Variants in ELP4 observed in about 807,000 individuals in gnomAD.
The protein encoded by ELP4 is elongator complex protein 4.
ELP4 carries 51 observed loss-of-function variants against 48.9 expected under a neutral mutation model. The observed-to-expected ratio is 1.04, with a 90% CI of 0.83 to 1.32. ELP4 has a LOEUF of 1.32. Among genes scored for constraint, ELP4 ranks in the 40% most tolerant of loss-of-function variants. ELP4 has a pLI of 0.00. For missense variants in ELP4, 519 were observed against 514.6 expected (o/e 1.01, Z -0.08); for synonymous variants, 210 against 189.2 (o/e 1.11, Z -0.90).
At chr11:31,531,794 T>C (rs1318059466) in intron 2 of ELP4, among the ~76,000 whole-genome samples, 2 of 152,188 alleles carry the variant, frequency 1.3e-5, no homozygotes, top group Non-Finnish European at 2.9e-5. Context: ...TAGAAAAATA[T>C]ACTCTTGAGT....
At chr11:31,519,733 G>C (rs1181693668) in intron 1 of ELP4, among the ~76,000 whole-genome samples, 1 of 151,998 alleles carries the variant, frequency 6.6e-6, no homozygotes, top group African/African-American at 2.4e-5. Flanking sequence ...GCTGAGGCAG[G>C]AGAATTGCTT....
chr11:31,654,353 G>A (rs980075253), intron 9 of ELP4: 4 of 151,702 alleles, frequency 2.6e-5, no homozygotes, highest in Non-Finnish European at 4.4e-5. Flanking sequence ...AAAAAATAGT[G>A]TCAAAGTAAA....
At chr11:31,594,992 G>A (rs973917979) in intron 4 of ELP4, 91 bp downstream of exon 4, 9 of 1,054,572 alleles carry the variant, frequency 8.5e-6, no homozygotes, top group Non-Finnish European at 1.2e-5. Flanking sequence ...ATGTGTATTT[G>A]TTTATTTAAA....
chr11:31,741,599 G>C (rs1385202798), intron 9 of ELP4, among the ~76,000 whole-genome samples: 1 of 152,172 alleles, frequency 6.6e-6, no homozygotes, highest in African/African-American at 2.4e-5. Context: ...AATATCCACT[G>C]TTCTGCAGCC....
At chr11:31,619,659 T>C (rs1243233494) in intron 5 of ELP4, among the ~76,000 whole-genome samples, 2 of 137,762 alleles carry the variant, frequency 1.5e-5, no homozygotes, top group Non-Finnish European at 3.1e-5. Flanking sequence ...CTCTGTTTTT[T>C]ATTGTTTTTT....
intron 9 of ELP4, among the ~76,000 whole-genome samples, chr11:31,702,119 T>C (rs1946536624): frequency 6.6e-6 from 1 of 152,046 alleles, no homozygotes; most frequent in Non-Finnish European, 1.5e-5. Flanking sequence ...CTTTAAGCAC[T>C]GAGATTTTGA....
intron 5 of ELP4, among the ~76,000 whole-genome samples, chr11:31,608,334 G>A (rs146875115): frequency 2.0e-4 from 31 of 152,158 alleles, no homozygotes; most frequent in Middle Eastern, 3.4e-3. Flanking sequence ...GTTGATATGA[G>A]CAGTCAGATT....
intron 9 of ELP4, among the ~76,000 whole-genome samples, chr11:31,711,498 T>C (rs1946741958): frequency 6.6e-6 from 1 of 152,120 alleles, no homozygotes; most frequent in Non-Finnish European, 1.5e-5. Context: ...GTCATCAGAG[T>C]GGCCTAGGTT....
At chr11:31,603,555 A>G (rs997855423) in intron 4 of ELP4, among the ~76,000 whole-genome samples, 3 of 151,854 alleles carry the variant, frequency 2.0e-5, no homozygotes, top group Admixed American at 6.6e-5. Flanking sequence ...GTGAAGAAAC[A>G]TGAAAGATAA....
intron 9 of ELP4, among the ~76,000 whole-genome samples, chr11:31,746,631 C>G (rs576685036): frequency 6.6e-6 from 1 of 152,070 alleles, no homozygotes; most frequent in East Asian, 1.9e-4. Context: ...GGCAAACTAT[C>G]GCAAGGACAA....
intron 9 of ELP4, chr11:31,650,721 CTTTT>C (rs956074676): frequency 9.2e-5 from 14 of 151,750 alleles, no homozygotes; most frequent in African/African-American, 3.4e-4. Context: ...GACACTACAA[CTTTT>C]TTTGTGACCC....
chr11:31,668,873 T>TTA (rs1945743126), intron 9 of ELP4, among the ~76,000 whole-genome samples: 1 of 152,082 alleles, frequency 6.6e-6, no homozygotes, highest in South Asian at 2.1e-4. Context: ...AGCTGTTTAT[T>TTA]AACTCATTTA....
At chr11:31,644,407 TAC>T (rs1945160586) in intron 7 of ELP4, among the ~76,000 whole-genome samples, 1 of 151,830 alleles carries the variant, frequency 6.6e-6, no homozygotes, top group African/African-American at 2.4e-5. Flanking sequence ...TATTAATATA[TAC>T]TGAAGACCAA....
At chr11:31,615,887 G>A (rs572277339) in intron 5 of ELP4, among the ~76,000 whole-genome samples, 6 of 152,074 alleles carry the variant, frequency 3.9e-5, no homozygotes, top group African/African-American at 1.2e-4. Flanking sequence ...CAACTGGAGT[G>A]TTACTATATT....
chr11:31,727,602 G>C (rs1426865995), intron 9 of ELP4, among the ~76,000 whole-genome samples: 1 of 152,156 alleles, frequency 6.6e-6, no homozygotes, highest in East Asian at 1.9e-4. Flanking sequence ...CATAGTAAAT[G>C]TGTCTATCTT....
intron 2 of ELP4, among the ~76,000 whole-genome samples, chr11:31,522,503 G>A (rs1208146721): frequency 6.6e-6 from 1 of 151,948 alleles, no homozygotes; most frequent in Non-Finnish European, 1.5e-5. Flanking sequence ...AACTGCATAG[G>A]ATTTGATTAT....
In ELP4 at chr11:31,521,176, C is replaced by T. The variant is rs565841868; in HGVS notation, c.259+1085C>T. 7.2e-5 allele frequency among the ~76,000 whole-genome samples: 11 copies of T among 152,030 alleles called. 1 individual carries two copies. The highest frequency in any genetic ancestry group is 1.3e-4 in the Non-Finnish European group (9 of 67,908). ...TAGTAAAGGAAAACGTTATATAGAA[C>T]ATTTTATTCCTCATCTATGCTGGAT... On this transcript the variant is annotated intron_variant, in intron 2 of 9. Transcript: ENST00000640961.
intron 3 of ELP4, among the ~76,000 whole-genome samples, chr11:31,588,997 T>G (rs1181929954): frequency 6.6e-6 from 1 of 151,846 alleles, no homozygotes; most frequent in Non-Finnish European, 1.5e-5. Flanking sequence ...ATAATAATAA[T>G]AATTAAAAAA....
At chr11:31,732,039 A>G (rs1349883602) in intron 9 of ELP4, among the ~76,000 whole-genome samples, 1 of 152,202 alleles carries the variant, frequency 6.6e-6, no homozygotes, top group East Asian at 1.9e-4. Flanking sequence ...TACACCTGCC[A>G]TCCAAGAAAG....
Sources: allele counts gnomAD v4.1 joint callset (sites outside exome capture counted in the v4.1 genomes callset), GRCh38; gene constraint gnomAD v4.1.1; transcripts MANE v1.5; gene names NCBI Gene and HGNC (gene_info 2026-07-23, HGNC 2026-07-21).